The following PPP2R2C variants were observed in gnomAD, a reference collection of about 807,000 sequenced individuals.
PPP2R2C encodes protein phosphatase 2 regulatory subunit Bgamma, also known as protein phosphatase 2, regulatory subunit B, gamma.
A neutral mutation model predicts 45.3 loss-of-function variants in PPP2R2C; 10 were observed. The ratio of observed to expected loss-of-function variants is 0.22; its 90% CI spans 0.14 to 0.37. PPP2R2C has a LOEUF of 0.37. PPP2R2C is among the 10% of genes least tolerant of loss of function. The pLI is 1.00. For synonymous variants in PPP2R2C, 257 were observed against 245.4 expected (o/e 1.05, Z -0.44); for missense variants, 308 against 619.7 (o/e 0.50, Z 5.34).
intron 1 of PPP2R2C, among the ~76,000 whole-genome samples, chr4:6,391,804 T>G (rs1387669272): frequency 6.6e-6 from 1 of 152,200 alleles, no homozygotes; most frequent in African/African-American, 2.4e-5. Context: ...GCCCTTTGCA[T>G]GCAGTGATCC....
rs1560593263 is a variant in PPP2R2C at position 6,511,249 on chromosome 4, CTGAT to C, written c.49+24018_49+24021del. 1.6e-4 allele frequency among the ~76,000 whole-genome samples: 4 copies of C among 25,332 alleles called. No homozygotes were observed. The East Asian group carries it at 0.21, about 1,357-fold the overall frequency. 16.6% of individuals were successfully genotyped at this position (25,332 alleles called of 152,430 possible). A position where few individuals can be genotyped will look rare whatever the true frequency, so the allele number is the denominator to read the frequency against. ...CATGTTAGTCGTTCCGCTGGTGATG[CTGAT>C]GCTGATGCTGATGCTGATGCTGATG... is the stretch of plus-strand genomic sequence containing the variant. On this transcript the variant is annotated intron_variant, in intron 2 of 9. Coordinates refer to the PPP2R2C transcript ENST00000506140.
intron 1 of PPP2R2C, among the ~76,000 whole-genome samples, chr4:6,410,608 T>TGG (rs1287210104): frequency 1.3e-5 from 2 of 152,116 alleles, no homozygotes; most frequent in Admixed American, 6.5e-5. Context: ...TGTGCCATGC[T>TGG]GGCTGGTCTG....
rs34977601 is a variant in PPP2R2C, at chr4:6,479,733, C to CTT, written c.49+55536_49+55537dup. 3.3e-3 allele frequency among the ~76,000 whole-genome samples: 489 copies of CTT among 146,290 alleles called. 2 individuals carry two copies. Among genetic ancestry groups the CTT allele is most frequent in the East Asian group, 0.012 (61 of 5,076 alleles). On this transcript the variant is annotated intron_variant, in intron 2 of 9. Transcript: ENST00000506140. ...TGTTTTTACATAATCATGATCAGAC[C>CTT]TTTTTTTTTTTGTATTTTATTTGTT...
At chr4:6,512,119 G>GC (rs1202293677) in intron 2 of PPP2R2C, among the ~76,000 whole-genome samples, 3 of 56,166 alleles carry the variant, frequency 5.3e-5, no homozygotes, top group Admixed American at 2.1e-4. Flanking sequence ...GGTGATGGTG[G>GC]GGGTGGTGGT....
chr4:6,346,193 C>G (rs1324263963), intron 6 of PPP2R2C, among the ~76,000 whole-genome samples: 1 of 152,168 alleles, frequency 6.6e-6, no homozygotes, highest in Non-Finnish European at 1.5e-5. Context: ...GACGCCTGCT[C>G]CCCCGGGGAC....
At chr4:6,496,896 A>AATAAATAC in intron 2 of PPP2R2C, among the ~76,000 whole-genome samples, 1 of 151,868 alleles carries the variant, frequency 6.6e-6, no homozygotes, top group Non-Finnish European at 1.5e-5. Context: ...TAAATAAATA[A>AATAAATAC]ATAAAGTCTG....
chr4:6,413,905 G>T, intron 1 of PPP2R2C: 1 of 1,536,064 alleles, frequency 6.5e-7, no homozygotes, highest in Non-Finnish European at 8.7e-7. Flanking sequence ...CTGCTCACCC[G>T]TGTCTCTCTT....
chr4:6,520,838 G>A (rs1723996057), intron 2 of PPP2R2C, among the ~76,000 whole-genome samples: 1 of 152,222 alleles, frequency 6.6e-6, no homozygotes, highest in Admixed American at 6.5e-5. Flanking sequence ...TCTCAAGGCT[G>A]GAGTTATCAG....
chr4:6,382,680 C>CAT lies in PPP2R2C; in HGVS notation c.71-1587_71-1586insAT, dbSNP rs1715927240. On this transcript the variant is annotated intron_variant, in intron 1 of 8. Transcript: ENST00000382599. Reference sequence around the variant, plus strand: ...TCTCTCTCTCTCTCTCTCTCTCACACACACACACACACACACACACACACA... The same window carrying CAT: ...TCTCTCTCTCTCTCTCTCTCTCACACATACACACACACACACACACACACACA... 3 of 212,970 alleles carry CAT rather than the reference C, an allele frequency of 1.4e-5. No homozygotes were observed. In the African/African-American group the frequency reaches 2.1e-4, roughly 15 times the overall value. The allele number at this position is 212,970 out of a possible 1,614,324, so 13.2% of individuals were successfully genotyped here.
chr4:6,494,362 TC>T (rs1434472850), intron 2 of PPP2R2C, among the ~76,000 whole-genome samples: 1 of 152,088 alleles, frequency 6.6e-6, no homozygotes, highest in African/African-American at 2.4e-5. Context: ...TCCCTCACTC[TC>T]CCCACATTGG....
intron 2 of PPP2R2C, among the ~76,000 whole-genome samples, chr4:6,533,016 T>A (rs568590504): frequency 2.7e-4 from 41 of 152,310 alleles, no homozygotes; most frequent in Non-Finnish European, 5.1e-4. Flanking sequence ...CTCAGCATGG[T>A]GCATGGAGGC....
In PPP2R2C at chr4:6,549,244, T is replaced by C. The variant is rs548906393; in HGVS notation, c.-58-13867A>G. Among the ~76,000 whole-genome samples, 157 of 152,242 alleles carry C rather than the reference T, an allele frequency of 1.0e-3. 1 individual carries two copies. Among genetic ancestry groups the C allele is most frequent in the African/African-American group, 3.3e-3 (136 of 41,538 alleles). On this transcript the variant is annotated intron_variant, in intron 1 of 9. Coordinates refer to the PPP2R2C transcript ENST00000506140. The stretch of plus-strand genomic sequence containing the variant: ...AGACTGACGCTGTAAAAATGGAAAT[T>C]GGACCACGTCGTTTTTCCACCTCCA...
intron 1 of PPP2R2C, chr4:6,384,828 A>T: frequency 2.0e-6 from 2 of 985,476 alleles, no homozygotes; most frequent in South Asian, 9.4e-5. Context: ...GGCTCCCTCC[A>T]TGAGAGACTA....
intron 1 of PPP2R2C, among the ~76,000 whole-genome samples, chr4:6,409,576 C>T (rs919882704): frequency 6.6e-6 from 1 of 152,210 alleles, no homozygotes; most frequent in Non-Finnish European, 1.5e-5. Flanking sequence ...GGGGACAGGT[C>T]TCTGCAGGAG....
At chr4:6,512,093 T>C (rs1250629403) in intron 2 of PPP2R2C, among the ~76,000 whole-genome samples, 2 of 53,004 alleles carry the variant, frequency 3.8e-5, no homozygotes, top group Non-Finnish European at 7.2e-5. Context: ...ATGGTGGTGG[T>C]GGTGGTGGTG....
intron 1 of PPP2R2C, among the ~76,000 whole-genome samples, chr4:6,443,852 G>A (rs989566491): frequency 4.0e-5 from 6 of 151,762 alleles, no homozygotes; most frequent in African/African-American, 1.2e-4. Flanking sequence ...TTTTCTGGCT[G>A]TCTCAGCCCA....
chr4:6,434,354 C>A (rs1189946494), intron 1 of PPP2R2C, among the ~76,000 whole-genome samples: 1 of 45,554 alleles, frequency 2.2e-5, no homozygotes. Flanking sequence ...TTTCTTTTTT[C>A]TTTTCTTTTT....
At chr4:6,548,731 G>C (rs1167609070) in intron 1 of PPP2R2C, among the ~76,000 whole-genome samples, 1 of 152,166 alleles carries the variant, frequency 6.6e-6, no homozygotes, top group South Asian at 2.1e-4. Context: ...TCCCTCCAGG[G>C]GGCAGTCATT....
intron 3 of PPP2R2C, among the ~76,000 whole-genome samples, chr4:6,376,213 C>G (rs1387407041): frequency 6.6e-6 from 1 of 152,162 alleles, no homozygotes; most frequent in African/African-American, 2.4e-5. Flanking sequence ...TTCTTTTTCT[C>G]TGGAGAACCC....
Sources: allele counts gnomAD v4.1 joint callset (sites outside exome capture counted in the v4.1 genomes callset), GRCh38; gene constraint gnomAD v4.1.1; transcripts MANE v1.5; gene names NCBI Gene and HGNC (gene_info 2026-07-23, HGNC 2026-07-21).